The following UTRN variants were observed in gnomAD, a reference collection of about 807,000 sequenced individuals.
UTRN encodes the protein utrophin.
In UTRN, 283 loss-of-function variants were observed where a neutral mutation model predicts 463.9. That is an observed-to-expected ratio of 0.61 (90% CI 0.55 to 0.67). The LOEUF (loss-of-function observed/expected upper bound fraction) is 0.67. Ranked by LOEUF, UTRN falls within the 30% of genes least tolerant of loss-of-function variation. UTRN has a pLI of 0.00. For synonymous variants in UTRN, 1,442 were observed against 1,431.5 expected (o/e 1.01, Z -0.17); for missense variants, 3,922 against 4,084.3 (o/e 0.96, Z 1.08).
At chr6:144,533,355 CATT>C in intron 43 of UTRN, 95 bp downstream of exon 43, 2 of 1,504,150 alleles carry the variant, frequency 1.3e-6, no homozygotes, top group African/African-American at 1.4e-5. Context: ...TATTGTTTGA[CATT>C]ATAATAGGAA....
intron 55 of UTRN, among the ~76,000 whole-genome samples, chr6:144,751,077 TG>T (rs1791343861): frequency 6.6e-6 from 1 of 152,210 alleles, no homozygotes; most frequent in African/African-American, 2.4e-5. Flanking sequence ...ATTGGTTTCA[TG>T]GTTAGGAATG....
chr6:144,563,633 C>A (rs1416903000), intron 50 of UTRN, among the ~76,000 whole-genome samples: 2 of 152,176 alleles, frequency 1.3e-5, no homozygotes, highest in African/African-American at 4.8e-5. Context: ...AAGCTTACTT[C>A]TTTCCCTGAA....
chr6:144,478,077 C>G (rs1280852441), intron 25 of UTRN, among the ~76,000 whole-genome samples: 1 of 152,054 alleles, frequency 6.6e-6, no homozygotes, highest in African/African-American at 2.4e-5. Context: ...TTGACTAGTA[C>G]AAATGTTGAA....
intron 39 of UTRN, among the ~76,000 whole-genome samples, chr6:144,519,215 C>T (rs1219359072): frequency 6.6e-6 from 1 of 152,042 alleles, no homozygotes; most frequent in Non-Finnish European, 1.5e-5. Flanking sequence ...TATTTATCTT[C>T]TAATTATTTT....
intron 41 of UTRN, 122 bp from the exon 42 acceptor site, chr6:144,530,930 G>A (rs1398816822): frequency 2.7e-6 from 3 of 1,126,382 alleles, no homozygotes; most frequent in South Asian, 1.7e-5. Context: ...GCAATAGGCT[G>A]TGAATTCAGT....
chr6:144,602,738 G>A (rs1804395218), intron 51 of UTRN, among the ~76,000 whole-genome samples: 1 of 152,134 alleles, frequency 6.6e-6, no homozygotes, highest in Non-Finnish European at 1.5e-5. Flanking sequence ...AACACTTTCA[G>A]TGCAGACTCC....
At chr6:144,833,415 C>T (rs1383789659) in intron 69 of UTRN, among the ~76,000 whole-genome samples, 1 of 152,108 alleles carries the variant, frequency 6.6e-6, no homozygotes, top group African/African-American at 2.4e-5. Flanking sequence ...ATTTTGATTT[C>T]TGGCAGATTG....
At chr6:144,788,655 C>T (rs1004196848) in intron 61 of UTRN, among the ~76,000 whole-genome samples, 6 of 151,466 alleles carry the variant, frequency 4.0e-5, no homozygotes, top group Admixed American at 6.6e-5. Flanking sequence ...ATCTCCGCCT[C>T]GCAAGTTCAA....
At chr6:144,690,095 TTGTGTGTG>T (rs1554339292) in intron 52 of UTRN, among the ~76,000 whole-genome samples, 35 of 33,448 alleles carry the variant, frequency 1.0e-3, no homozygotes, top group African/African-American at 4.0e-3. Flanking sequence ...TTTTTTTTTT[TTGTGTGTG>T]TGTGTGTGTG....
chr6:144,448,769 A>T lies in UTRN; in HGVS notation c.2072A>T (p.Lys691Met). The T allele has an allele frequency of 6.2e-7, 1 of 1,613,080 alleles. No individual in the cohort carries two copies. The highest frequency in any genetic ancestry group is 8.5e-7 in the Non-Finnish European group (1 of 1,179,584). The change falls in exon 17 of 75, where the codon AAG becomes ATG. Residue 691 changes from lysine (K) to methionine (M), a missense_variant and splice_region_variant. Lys to Met is a moderately conservative substitution (Grantham distance 95, BLOSUM62 -1). Coordinates refer to ENST00000367545, the MANE Select transcript of UTRN (RefSeq NM_007124.3). Reference sequence around the variant, plus strand: ...CATGTGGATATTGAAGCTAAGAAAAAGTGAGAAGAGATAGAGAAATTGTTC... The same window carrying T: ...CATGTGGATATTGAAGCTAAGAAAATGTGAGAAGAGATAGAGAAATTGTTC... ...QIHVDIEAKK[K>M]FDAISAELLN...
At chr6:144,725,217 A>C (rs917820921) in intron 53 of UTRN, among the ~76,000 whole-genome samples, 2 of 152,230 alleles carry the variant, frequency 1.3e-5, no homozygotes, top group Non-Finnish European at 2.9e-5. Context: ...TCCCCAGCAC[A>C]TGCTGTCTTG....
chr6:144,612,874 A>C (rs1035045170), intron 51 of UTRN, among the ~76,000 whole-genome samples: 1 of 152,130 alleles, frequency 6.6e-6, no homozygotes. Flanking sequence ...AAGAAACTGC[A>C]ATCAGTGTTA....
intron 2 of UTRN, among the ~76,000 whole-genome samples, chr6:144,317,272 G>C (rs1043123815): frequency 2.0e-5 from 3 of 152,116 alleles, no homozygotes; most frequent in African/African-American, 7.2e-5. Context: ...ACTCTCATTT[G>C]TGGCATCCCA....
intron 23 of UTRN, among the ~76,000 whole-genome samples, chr6:144,471,305 C>G (rs1012690730): frequency 6.6e-6 from 1 of 152,128 alleles, no homozygotes; most frequent in Non-Finnish European, 1.5e-5. Flanking sequence ...TTACTCAAGT[C>G]AAAGCCAATT....
chr6:144,462,605 T>TG, intron 22 of UTRN, 49 bp from the exon 23 acceptor site: 1 of 1,515,328 alleles, frequency 6.6e-7, no homozygotes, highest in South Asian at 1.2e-5. Flanking sequence ...ACTATATCTG[T>TG]GCAGACACAT....
chr6:144,528,942 A>T (rs1389576260), intron 41 of UTRN, among the ~76,000 whole-genome samples: 1 of 152,138 alleles, frequency 6.6e-6, no homozygotes, highest in Non-Finnish European at 1.5e-5. Context: ...TTAGGTGCTG[A>T]GTCAGACTCT....
intron 49 of UTRN, among the ~76,000 whole-genome samples, chr6:144,556,859 G>T (rs1401447896): frequency 6.6e-6 from 1 of 152,158 alleles, no homozygotes; most frequent in African/African-American, 2.4e-5. Flanking sequence ...GAGAGGTACA[G>T]CAGAAGGAAT....
intron 51 of UTRN, among the ~76,000 whole-genome samples, chr6:144,667,652 G>A (rs992468921): frequency 6.6e-6 from 1 of 152,150 alleles, no homozygotes; most frequent in Non-Finnish European, 1.5e-5. Context: ...CTCTTTAGAG[G>A]TCTTAAAATG....
chr6:144,379,836 G>A (rs752412257), intron 2 of UTRN, among the ~76,000 whole-genome samples: 6 of 152,188 alleles, frequency 3.9e-5, no homozygotes, highest in Non-Finnish European at 5.9e-5. Context: ...GAGTAGATGC[G>A]TGACCACTTA....
Sources: allele counts gnomAD v4.1 joint callset (sites outside exome capture counted in the v4.1 genomes callset), GRCh38; gene constraint gnomAD v4.1.1; transcripts MANE v1.5; gene names NCBI Gene and HGNC (gene_info 2026-07-23, HGNC 2026-07-21).